Variants in PDE4B observed in about 807,000 individuals in gnomAD.
PDE4B encodes the protein 3',5'-cyclic-AMP phosphodiesterase 4B.
Under a neutral mutation model 82.2 loss-of-function variants are expected in PDE4B, and 20 were observed. The observed-to-expected ratio is 0.24, with a 90% confidence interval of 0.17 to 0.35. The LOEUF is 0.35. PDE4B is among the 10% of genes least tolerant of loss of function. PDE4B has a pLI of 1.00. For missense variants in PDE4B, 655 were observed against 907.2 expected, an observed-to-expected ratio of 0.72 and a Z score of 3.57; for synonymous variants, 320 against 318.9, an observed-to-expected ratio of 1.00 and a Z score of -0.04.
At chr1:66,023,387 T>G (rs190267182) in intron 3 of PDE4B, among the ~76,000 whole-genome samples, 105 of 152,324 alleles carry the variant, frequency 6.9e-4, no homozygotes, top group Non-Finnish European at 1.4e-3. Context: ...TGGCACACTT[T>G]GTCTCCAGGG....
intron 1 of PDE4B, among the ~76,000 whole-genome samples, chr1:65,795,281 G>GGTAT (rs1440974681): frequency 6.6e-6 from 1 of 152,204 alleles, no homozygotes; most frequent in African/African-American, 2.4e-5. Flanking sequence ...AGGAGCAAGA[G>GGTAT]GTATATGAAG....
chr1:66,087,294 A>G (rs1657051742), intron 3 of PDE4B, among the ~76,000 whole-genome samples: 1 of 152,176 alleles, frequency 6.6e-6, no homozygotes, highest in Non-Finnish European at 1.5e-5. Context: ...CAGGGAAGTC[A>G]GTTAAGAGTT....
At chr1:66,053,908 G>A (rs1655169692) in intron 3 of PDE4B, among the ~76,000 whole-genome samples, 1 of 152,046 alleles carries the variant, frequency 6.6e-6, no homozygotes, top group Non-Finnish European at 1.5e-5. Flanking sequence ...AGCCTAAGTA[G>A]GATGACCAAC....
At chr1:66,266,628 G>A (rs1557668320) in intron 7 of PDE4B, 2 of 478,322 alleles carry the variant, frequency 4.2e-6, no homozygotes, top group Non-Finnish European at 8.5e-6. Flanking sequence ...GTTTTGTTTT[G>A]TTTTGTTTTT....
At chr1:65,861,619 A>ACAGT (rs1646455498) in intron 1 of PDE4B, among the ~76,000 whole-genome samples, 1 of 152,124 alleles carries the variant, frequency 6.6e-6, no homozygotes, top group Non-Finnish European at 1.5e-5. Flanking sequence ...ATAGGATTCT[A>ACAGT]TCTCTAAATT....
intron 7 of PDE4B, among the ~76,000 whole-genome samples, chr1:66,324,035 C>T (rs772971113): frequency 6.6e-5 from 10 of 152,118 alleles, no homozygotes; most frequent in Non-Finnish European, 1.3e-4. Flanking sequence ...AACAGATTCT[C>T]GTTAGCATAT....
intron 3 of PDE4B, among the ~76,000 whole-genome samples, chr1:66,038,495 G>A (rs780590776): frequency 5.9e-5 from 9 of 151,878 alleles, no homozygotes; most frequent in Non-Finnish European, 1.0e-4. Context: ...GGCAACCCTC[G>A]GCATTCTTAA....
At chr1:66,162,150 A>G (rs1316918823) in intron 3 of PDE4B, among the ~76,000 whole-genome samples, 1 of 151,942 alleles carries the variant, frequency 6.6e-6, no homozygotes, top group African/African-American at 2.4e-5. Context: ...CCAAATATTC[A>G]GTGAAACTTT....
In PDE4B at chr1:66,229,086, C is replaced by T. The variant is rs1279127877; in HGVS notation, c.282-18374C>T. Among the ~76,000 whole-genome samples, 4 of 152,178 alleles carry T rather than the reference C, an allele frequency of 2.6e-5. No homozygotes were observed. In the South Asian group the frequency reaches 6.2e-4, roughly 24 times the overall value. ...GCAGTGGCTCGATATTGGCTCACTG[C>T]TAGCTCTGCCTCCTGGGTTCACGCC... On this transcript the variant is annotated intron_variant, in intron 3 of 16. Transcript: ENST00000341517.
At chr1:66,005,229 C>CTCA (rs1449026894) in intron 3 of PDE4B, among the ~76,000 whole-genome samples, 2 of 152,026 alleles carry the variant, frequency 1.3e-5, no homozygotes, top group Non-Finnish European at 2.9e-5. Context: ...AAGTGAGAGA[C>CTCA]TGGAGACAGG....
intron 3 of PDE4B, among the ~76,000 whole-genome samples, chr1:66,241,074 C>A (rs1158005684): frequency 6.6e-6 from 1 of 152,220 alleles, no homozygotes; most frequent in Non-Finnish European, 1.5e-5. Context: ...GAAGAGAAAG[C>A]AATGGAAGCT....
At chr1:66,101,084 T>G (rs1328623970) in intron 3 of PDE4B, among the ~76,000 whole-genome samples, 1 of 152,168 alleles carries the variant, frequency 6.6e-6, no homozygotes, top group South Asian at 2.1e-4. Context: ...ATGCGGTGTT[T>G]GATTTTTTGT....
intron 3 of PDE4B, among the ~76,000 whole-genome samples, chr1:66,072,183 G>A (rs990317259): frequency 6.6e-6 from 1 of 152,016 alleles, no homozygotes; most frequent in African/African-American, 2.4e-5. Context: ...AATTCTGAAG[G>A]TCCATGAATA....
chr1:66,154,166 G>C (rs1570356305), intron 3 of PDE4B, among the ~76,000 whole-genome samples: 1 of 152,138 alleles, frequency 6.6e-6, no homozygotes, highest in African/African-American at 2.4e-5. Flanking sequence ...CCTCGTGCCT[G>C]TTACAGCAGA....
intron 3 of PDE4B, among the ~76,000 whole-genome samples, chr1:65,946,167 T>C (rs981238415): frequency 6.6e-6 from 1 of 151,970 alleles, no homozygotes; most frequent in Non-Finnish European, 1.5e-5. Context: ...AGAAGCATTA[T>C]AACAGTGACA....
At chr1:66,096,910 G>A (rs1315961739) in intron 3 of PDE4B, among the ~76,000 whole-genome samples, 3 of 151,780 alleles carry the variant, frequency 2.0e-5, no homozygotes, top group Non-Finnish European at 2.9e-5. Context: ...ATGCTTCTGA[G>A]AGTCATCCAT....
chr1:66,221,906 T>A (rs75749500), intron 3 of PDE4B, among the ~76,000 whole-genome samples: 36 of 151,246 alleles, frequency 2.4e-4, no homozygotes, highest in Admixed American at 2.6e-4. Context: ...TTTTTTTTTT[T>A]ATCTCCATGT....
chr1:65,938,982 C>T (rs1648301182), intron 3 of PDE4B, among the ~76,000 whole-genome samples: 1 of 152,114 alleles, frequency 6.6e-6, no homozygotes, highest in Non-Finnish European at 1.5e-5. Context: ...TACTTGAGAA[C>T]AATACTACTT....
intron 1 of PDE4B, among the ~76,000 whole-genome samples, chr1:65,836,254 C>T (rs1463533488): frequency 2.0e-5 from 3 of 152,156 alleles, no homozygotes; most frequent in Non-Finnish European, 4.4e-5. Context: ...AGTAGCTCTG[C>T]TCTCTTTAGA....
Sources: gnomAD v4.1 joint callset for allele counts (sites outside exome capture counted in the v4.1 genomes callset) on GRCh38, gnomAD v4.1.1 for gene constraint, MANE v1.5 for transcripts, NCBI Gene and HGNC (gene_info 2026-07-23, HGNC 2026-07-21) for gene names.